Variants in CLMP observed in about 807,000 individuals in gnomAD.
CLMP encodes the protein CXADR like cell adhesion molecule, also known as CXADR-like membrane protein.
In CLMP, 27 loss-of-function variants were observed where a neutral mutation model predicts 45.2. The observed-to-expected ratio is 0.60, with a 90% CI of 0.44 to 0.82. The LOEUF (loss-of-function observed/expected upper bound fraction) is 0.82. CLMP is among the 40% of genes least tolerant of loss of function. The probability of loss-of-function intolerance (pLI) is 0.00; values close to 1 mark genes in which losing one functional copy is unlikely to be tolerated. For missense variants in CLMP, 403 were observed against 448.4 expected (o/e 0.90, Z 0.91); for synonymous variants, 167 against 171.4 (o/e 0.97, Z 0.20).
At chr11:123,110,225 G>A (rs945344355) in intron 1 of CLMP, among the ~76,000 whole-genome samples, 2 of 152,062 alleles carry the variant, frequency 1.3e-5, no homozygotes, top group African/African-American at 4.8e-5. Flanking sequence ...GGGGGCTGAG[G>A]TGGGCAGATC....
intron 1 of CLMP, among the ~76,000 whole-genome samples, chr11:123,169,829 T>TGTTGGGG (rs1591485426): frequency 6.6e-6 from 1 of 152,066 alleles, no homozygotes; most frequent in African/African-American, 2.4e-5. Context: ...AGGAAGCCGG[T>TGTTGGGG]GTTGGGGGGT....
At chr11:123,193,953 G>T (rs762306992) in intron 1 of CLMP, among the ~76,000 whole-genome samples, 3 of 152,160 alleles carry the variant, frequency 2.0e-5, no homozygotes, top group Non-Finnish European at 4.4e-5. Flanking sequence ...CTGATCTCCA[G>T]CTAACTGTGG....
chr11:123,125,890 G>A (rs77561902), intron 1 of CLMP, among the ~76,000 whole-genome samples: 27,247 of 151,978 alleles, frequency 0.18, 3,089 homozygotes, highest in African/African-American at 0.31. Flanking sequence ...ACAGGCATGA[G>A]CCACTGCGCC....
intron 1 of CLMP, among the ~76,000 whole-genome samples, chr11:123,150,969 C>T (rs564536274): frequency 6.6e-6 from 1 of 152,182 alleles, no homozygotes; most frequent in Non-Finnish European, 1.5e-5. Context: ...TCCCAAAGTG[C>T]TGGGATTACA....
At position 123,072,600 on chromosome 11, in the gene CLMP, C is replaced by G. The variant is rs1160942855; in HGVS notation, c.*874G>C. 3 of 152,146 alleles carry G rather than the reference C, an allele frequency of 2.0e-5. No individual in the cohort carries two copies. The highest frequency in any genetic ancestry group is 4.4e-5 in the Non-Finnish European group (3 of 68,026). 9.4% of individuals were successfully genotyped at this position (152,146 alleles called of 1,614,324 possible). ...CCCTTTTTCTCTAGAAGAATTCTTT[C>G]TAAGGACGTTGATAAATGACATGTT... On this transcript the variant is annotated 3_prime_UTR_variant, in exon 7 of 7. Transcript: ENST00000448775.
intron 1 of CLMP, among the ~76,000 whole-genome samples, chr11:123,183,845 G>A (rs1037746273): frequency 6.6e-6 from 1 of 152,134 alleles, no homozygotes; most frequent in African/African-American, 2.4e-5. Context: ...GAGTGCGGTG[G>A]GGTGTGGCTG....
chr11:123,147,949 A>C (rs1565396685), intron 1 of CLMP, among the ~76,000 whole-genome samples: 1 of 152,070 alleles, frequency 6.6e-6, no homozygotes, highest in Non-Finnish European at 1.5e-5. Context: ...AAGTGCTGGA[A>C]TGATAGGCAT....
intron 1 of CLMP, among the ~76,000 whole-genome samples, chr11:123,134,229 C>T (rs559357799): frequency 2.4e-4 from 37 of 151,468 alleles, no homozygotes; most frequent in African/African-American, 9.0e-4. Flanking sequence ...CACTGCACTC[C>T]AGCCTGGGCG....
Position 123,097,941 on chromosome 11 carries a change from C to A in CLMP, c.40G>T (p.Val14Phe). ...LLLLLLVSYY[V>F]GTLGTHTEIK... ...TCAGTGTGAGTCCCCAAGGTTCCAA[C>A]ATAGTAGGAAACTGGAAGAGGAAAA... Residue 14 changes from valine (V) to phenylalanine (F), a missense_variant, in exon 2 of 7, where the codon GTT becomes TTT. Physicochemically the swap from Val to Phe is conservative, Grantham distance 50. Coordinates refer to ENST00000448775, the MANE Select transcript of CLMP (RefSeq NM_024769.5). The A allele has an allele frequency of 6.4e-7, 1 of 1,556,554 alleles. No individual in the cohort carries two copies. Among genetic ancestry groups the A allele is most frequent in the Admixed American group, 2.0e-5 (1 of 50,456 alleles).
At chr11:123,110,915 G>C (rs889564585) in intron 1 of CLMP, among the ~76,000 whole-genome samples, 1 of 152,162 alleles carries the variant, frequency 6.6e-6, no homozygotes, top group Non-Finnish European at 1.5e-5. Flanking sequence ...AAATGAGAGT[G>C]TGTGAGTAGC....
At chr11:123,190,404 T>C (rs1861894071) in intron 1 of CLMP, among the ~76,000 whole-genome samples, 1 of 152,004 alleles carries the variant, frequency 6.6e-6, no homozygotes, top group Non-Finnish European at 1.5e-5. Flanking sequence ...AGCCAGAAAA[T>C]TCTCAGAATT....
intron 1 of CLMP, among the ~76,000 whole-genome samples, chr11:123,165,074 C>T (rs1013205654): frequency 6.6e-6 from 1 of 152,202 alleles, no homozygotes; most frequent in Admixed American, 6.5e-5. Flanking sequence ...ACAGGCTACG[C>T]GTCTGATAAA....
chr11:123,179,875 C>T (rs892167326), intron 1 of CLMP, among the ~76,000 whole-genome samples: 10 of 152,220 alleles, frequency 6.6e-5, no homozygotes, highest in African/African-American at 2.4e-4. Flanking sequence ...TTCTCTCCTT[C>T]CCTCCCTCCC....
intron 1 of CLMP, among the ~76,000 whole-genome samples, chr11:123,163,780 G>T (rs938548158): frequency 3.9e-5 from 6 of 152,186 alleles, no homozygotes; most frequent in African/African-American, 1.4e-4. Flanking sequence ...ATTAATTTGC[G>T]TGGAGGCTGA....
chr11:123,156,954 C>A (rs1467705760), intron 1 of CLMP, among the ~76,000 whole-genome samples: 1 of 152,056 alleles, frequency 6.6e-6, no homozygotes, highest in African/African-American at 2.4e-5. Context: ...GGCTTGTGAC[C>A]AAAATAACAT....
intron 1 of CLMP, among the ~76,000 whole-genome samples, chr11:123,130,068 T>C (rs1327526231): frequency 6.6e-6 from 1 of 151,984 alleles, no homozygotes; most frequent in Non-Finnish European, 1.5e-5. Flanking sequence ...GAAAAGAGCA[T>C]GTTAAAGCAG....
chr11:123,191,152 A>G (rs1036199275), intron 1 of CLMP, among the ~76,000 whole-genome samples: 1 of 152,204 alleles, frequency 6.6e-6, no homozygotes, highest in Admixed American at 6.5e-5. Context: ...TCAAAATTTT[A>G]AGAACGATTG....
intron 1 of CLMP, among the ~76,000 whole-genome samples, chr11:123,135,640 A>T (rs558305717): frequency 8.3e-4 from 126 of 152,328 alleles, no homozygotes; most frequent in African/African-American, 2.8e-3. Flanking sequence ...TTTTCTCTGC[A>T]TATCTAAATC....
At chr11:123,145,730 C>T (rs748529253) in intron 1 of CLMP, among the ~76,000 whole-genome samples, 3 of 152,190 alleles carry the variant, frequency 2.0e-5, no homozygotes, top group African/African-American at 4.8e-5. Flanking sequence ...TCCCAAACTG[C>T]TGGGATTATA....
Sources: allele counts gnomAD v4.1 joint callset (sites outside exome capture counted in the v4.1 genomes callset), GRCh38; gene constraint gnomAD v4.1.1; transcripts MANE v1.5; gene names NCBI Gene and HGNC (gene_info 2026-07-23, HGNC 2026-07-21).